PHTF2: variants seen among roughly 807,000 people sequenced by gnomAD.
The protein encoded by PHTF2 is protein PHTF2.
PHTF2 carries 60 observed loss-of-function variants against 101.2 expected under a neutral mutation model. That is an observed-to-expected ratio of 0.59 (90% CI 0.48 to 0.73). PHTF2 has a LOEUF of 0.73. Among genes scored for constraint, PHTF2 ranks in the 30% least tolerant of loss-of-function variants. The probability of loss-of-function intolerance (pLI) is 0.00; values close to 1 mark genes in which losing one functional copy is unlikely to be tolerated. For missense variants in PHTF2, 747 were observed against 908.7 expected (o/e 0.82, Z 2.29); for synonymous variants, 311 against 307.3 (o/e 1.01, Z -0.13).
chr7:77,885,786 A>G (rs1799790367), intron 3 of PHTF2, among the ~76,000 whole-genome samples: 1 of 152,154 alleles, frequency 6.6e-6, no homozygotes, highest in Non-Finnish European at 1.5e-5. Flanking sequence ...TGACAAAATT[A>G]GACAGCATTT....
intron 12 of PHTF2, among the ~76,000 whole-genome samples, chr7:77,936,404 C>T (rs1161002680): frequency 6.6e-6 from 1 of 152,130 alleles, no homozygotes; most frequent in Non-Finnish European, 1.5e-5. Flanking sequence ...TGGCCAGACA[C>T]CGTGGCTCAC....
At chr7:77,929,865 A>AG (rs753213143) in intron 12 of PHTF2, among the ~76,000 whole-genome samples, 6 of 152,260 alleles carry the variant, frequency 3.9e-5, no homozygotes, top group Non-Finnish European at 7.4e-5. Flanking sequence ...GAAAAAATTA[A>AG]TGAAATATTT....
chr7:77,920,493 C>T (rs777970398), intron 10 of PHTF2, 28 bp downstream of exon 9: 2 of 1,575,616 alleles, frequency 1.3e-6, no homozygotes, highest in South Asian at 1.1e-5. Flanking sequence ...AATAGTTTGC[C>T]TATGTGATTT....
intron 3 of PHTF2, among the ~76,000 whole-genome samples, chr7:77,874,734 C>G (rs1798792256): frequency 6.6e-6 from 1 of 152,222 alleles, no homozygotes; most frequent in Non-Finnish European, 1.5e-5. Flanking sequence ...CACAGACACA[C>G]CCAGGATCAA....
At chr7:77,935,158 T>C (rs1804988733) in intron 12 of PHTF2, among the ~76,000 whole-genome samples, 1 of 133,280 alleles carries the variant, frequency 7.5e-6, no homozygotes, top group African/African-American at 2.8e-5. Context: ...AATATAGCAG[T>C]CTTTTTTATT....
Position 77,949,660 on chromosome 7 carries a change from C to T in PHTF2, c.1960-18C>T, listed in dbSNP as rs1172770652. 1 of 1,458,844 alleles carries T rather than the reference C, an allele frequency of 6.9e-7. No individual in the cohort carries two copies. Among genetic ancestry groups the T allele is most frequent in the Admixed American group, 2.2e-5 (1 of 45,566 alleles). The allele number at this position is 1,458,844 out of a possible 1,614,324, so 90.4% of individuals were successfully genotyped here. On this transcript the variant is annotated intron_variant, in intron 16 of 19. Transcript: ENST00000416283. The stretch of plus-strand genomic sequence containing the variant: ...TGAATCACATTGCTGCTTTATGTTA[C>T]CTTTTTCATACTTTTAGCTACTTCA...
chr7:77,939,972 T>TA (rs1276041118), intron 13 of PHTF2, 58 bp from the exon 13 acceptor site: 1 of 1,268,356 alleles, frequency 7.9e-7, no homozygotes, highest in Non-Finnish European at 1.1e-6. Flanking sequence ...CTACTGTAGA[T>TA]AAAATTTATG....
intron 5 of PHTF2, among the ~76,000 whole-genome samples, chr7:77,896,779 ACACT>A (rs1482591065): frequency 6.6e-6 from 1 of 152,256 alleles, no homozygotes; most frequent in African/African-American, 2.4e-5. Context: ...TAAGAAAAAA[ACACT>A]CTACCTGTTG....
At chr7:77,957,018 A>G (rs1019484597) in exon 20 of PHTF2, 9 of 152,142 alleles carry the variant, frequency 5.9e-5, no homozygotes, top group East Asian at 3.9e-4. Context: ...TAACTGAACT[A>G]TTTTCAAAGC....
At position 77,815,961 on chromosome 7, in the gene PHTF2, C is replaced by A. The variant is rs549857623; in HGVS notation, c.-36+16990C>A. Among the ~76,000 whole-genome samples, 15 of 152,058 alleles carry A rather than the reference C, an allele frequency of 9.9e-5. No homozygotes were observed. In the South Asian group the frequency reaches 1.7e-3, roughly 17 times the overall value. ...TTCTCTCTGTTCTCATGTATGTATG[C>A]GTTTGCTGTCATTTCAGTTAGATAT... On this transcript the variant is annotated intron_variant, in intron 1 of 19. Transcript: ENST00000416283.
At chr7:77,929,222 A>G (rs368818674) in exon 12 of PHTF2, 3 of 1,612,312 alleles carry the variant, frequency 1.9e-6, no homozygotes, top group Non-Finnish European at 2.5e-6. Context: ...AAGACTTGTT[A>G]CATTGTGCAG....
rs1470405276 is a variant in PHTF2, at chr7:77,924,709, A to G, written c.1119+1931A>G. 3.3e-5 allele frequency among the ~76,000 whole-genome samples: 5 copies of G among 152,312 alleles called. 1 individual carries two copies. Among genetic ancestry groups the G allele is most frequent in the Non-Finnish European group, 7.4e-5 (5 of 68,024 alleles). ...TTTGTTGTAAGCTTCCCAGATGGCAATATCTGTAGATAAACTTTTTAGGGG... is the reference window on the plus strand; with the variant it reads ...TTTGTTGTAAGCTTCCCAGATGGCAGTATCTGTAGATAAACTTTTTAGGGG... On this transcript the variant is annotated intron_variant, in intron 11 of 19. Transcript: ENST00000416283.
intron 2 of PHTF2, among the ~76,000 whole-genome samples, chr7:77,844,145 A>T (rs966203485): frequency 1.3e-5 from 2 of 151,838 alleles, no homozygotes; most frequent in African/African-American, 4.8e-5. Flanking sequence ...CTACAGGCTC[A>T]TGCCACCACA....
chr7:77,912,577 A>C (rs887314092), intron 9 of PHTF2, among the ~76,000 whole-genome samples: 2 of 152,096 alleles, frequency 1.3e-5, no homozygotes, highest in African/African-American at 4.8e-5. Flanking sequence ...AAAATAAATT[A>C]ATAACCACAC....
intron 1 of PHTF2, among the ~76,000 whole-genome samples, chr7:77,829,889 A>C (rs1562851323): frequency 2.0e-5 from 3 of 152,214 alleles, no homozygotes. Context: ...TAAATGAACC[A>C]TGTTTATTAT....
chr7:77,929,769 C>T (rs868168552), intron 12 of PHTF2, among the ~76,000 whole-genome samples: 4 of 152,050 alleles, frequency 2.6e-5, no homozygotes, highest in African/African-American at 7.2e-5. Flanking sequence ...CTGGTAGCCT[C>T]ATTAAATATT....
chr7:77,871,663 C>T (rs933475851), intron 3 of PHTF2, among the ~76,000 whole-genome samples: 3 of 142,944 alleles, frequency 2.1e-5, no homozygotes, highest in African/African-American at 7.4e-5. Context: ...ACACTTTGCC[C>T]CAGCCCTGCA....
At chr7:77,888,156 C>T (rs1323347338) in intron 3 of PHTF2, among the ~76,000 whole-genome samples, 2 of 152,084 alleles carry the variant, frequency 1.3e-5, no homozygotes, top group Non-Finnish European at 2.9e-5. Context: ...ACTCTTGTAG[C>T]CCAGGCTGGA....
At chr7:77,912,092 T>C (rs1040009974) in intron 9 of PHTF2, among the ~76,000 whole-genome samples, 1 of 152,238 alleles carries the variant, frequency 6.6e-6, no homozygotes, top group African/African-American at 2.4e-5. Context: ...GGTTGATACC[T>C]TTGGAAGTTT....
Sources: allele counts gnomAD v4.1 joint callset (sites outside exome capture counted in the v4.1 genomes callset), GRCh38; gene constraint gnomAD v4.1.1; transcripts MANE v1.5; gene names NCBI Gene and HGNC (gene_info 2026-07-23, HGNC 2026-07-21).